Variants in HEATR5A observed in about 807,000 individuals in gnomAD.
HEATR5A encodes the protein HEAT repeat containing 5A.
Under a neutral mutation model 218.8 loss-of-function variants are expected in HEATR5A, and 178 were observed. The ratio of observed to expected loss-of-function variants is 0.81; its 90% CI spans 0.72 to 0.92. The LOEUF (loss-of-function observed/expected upper bound fraction) is 0.92. HEATR5A is among the 40% of genes least tolerant of loss of function. The pLI is 0.00. For synonymous variants in HEATR5A, 864 were observed against 871.6 expected (o/e 0.99, Z 0.15); for missense variants, 2,420 against 2,418.9 (o/e 1.00, Z -0.01).
intron 1 of HEATR5A, among the ~76,000 whole-genome samples, chr14:31,407,093 C>T (rs1165114810): frequency 1.3e-5 from 2 of 151,244 alleles, no homozygotes; most frequent in African/African-American, 4.9e-5. Flanking sequence ...AGTTCAAGAC[C>T]AGCCTGAGCA....
In HEATR5A at chr14:31,293,893, T is replaced by C. The variant is rs777529678; in HGVS notation, c.5831A>G (p.His1944Arg). The C allele has an allele frequency of 1.3e-6, 2 of 1,594,406 alleles. No individual in the cohort carries two copies. The highest frequency in any genetic ancestry group is 1.3e-5 in the African/African-American group (1 of 74,930). Residue 1944 changes from histidine (H) to arginine (R), a missense_variant and splice_region_variant, in exon 35 of 36, where the codon CAT becomes CGT. Coordinates refer to ENST00000543095, the MANE Select transcript of HEATR5A (RefSeq NM_015473.4). ...ATGAATTTAGTGCTGACACTTACGA[T>C]GGTGTTCTTCAGCAACAGTAACCAG... ...ETLVTVAEEH[H>R]RAQLVACLLP...
intron 25 of HEATR5A, chr14:31,320,342 G>A (rs1464731040): frequency 2.4e-6 from 2 of 830,066 alleles, no homozygotes; most frequent in East Asian, 5.0e-5. Context: ...CAGCTTCCTG[G>A]CATAGACAAT....
intron 22 of HEATR5A, among the ~76,000 whole-genome samples, 177 bp downstream of exon 22, chr14:31,337,299 G>A (rs1245880851): frequency 6.6e-6 from 1 of 152,178 alleles, no homozygotes; most frequent in African/African-American, 2.4e-5. Context: ...AAACCAGTTT[G>A]AGAACCACCA....
At chr14:31,309,700 T>C (rs1239483795) in intron 28 of HEATR5A, among the ~76,000 whole-genome samples, 1 of 152,158 alleles carries the variant, frequency 6.6e-6, no homozygotes, top group Admixed American at 6.6e-5. Flanking sequence ...ACATTTTCCC[T>C]GATTTTCTTA....
chr14:31,397,771 G>C (rs1003855548), intron 4 of HEATR5A, among the ~76,000 whole-genome samples: 1 of 151,978 alleles, frequency 6.6e-6, no homozygotes, highest in Non-Finnish European at 1.5e-5. Context: ...TGATCCTCCT[G>C]CCTCAGTCTT....
At position 31,364,275 on chromosome 14, in the gene HEATR5A, T is replaced by A; in HGVS notation, c.1985A>T (p.Tyr662Phe). Residue 662 changes from tyrosine to phenylalanine, a missense_variant, in exon 14 of 36, where the codon TAT (tyrosine) becomes TTT (phenylalanine). By Grantham distance (22) the Tyr-to-Phe change is conservative. Transcript: ENST00000543095. ...TGACGGTGTTTTCAAAGGACTTCCA[T>A]ACATTTTTAGTATTGAAGAAAGCCT... ...LTQLSSILKM[Y>F]GSPLKTPSVV... 1 of 1,540,664 alleles carries A rather than the reference T, an allele frequency of 6.5e-7. No individual in the cohort carries two copies. Among genetic ancestry groups the A allele is most frequent in the Non-Finnish European group, 8.8e-7 (1 of 1,136,998 alleles).
chr14:31,352,744 T>A (rs917817746), intron 16 of HEATR5A, among the ~76,000 whole-genome samples: 1 of 152,062 alleles, frequency 6.6e-6, no homozygotes, highest in African/African-American at 2.4e-5. Flanking sequence ...GATCACCTGA[T>A]GTCAGGAGTT....
At chr14:31,336,213 C>CACATAT (rs758047507) in intron 22 of HEATR5A, among the ~76,000 whole-genome samples, 3 of 90,740 alleles carry the variant, frequency 3.3e-5, no homozygotes, top group South Asian at 8.1e-4. Context: ...TATATACATA[C>CACATAT]ATACATATAT....
In HEATR5A at chr14:31,358,828, AG is replaced by A; in HGVS notation, c.2236-17del. On this transcript the variant is annotated splice_polypyrimidine_tract_variant and intron_variant, in intron 15 of 35. Coordinates refer to ENST00000543095, the MANE Select transcript of HEATR5A (RefSeq NM_015473.4). ...CAAGCAGGAGCTAAAAGGGAAAAAA[AG>A]TATATAAGGTTTTAAAATCACTGAT... The A allele has an allele frequency of 6.2e-7, 1 of 1,612,552 alleles. No homozygotes were observed. Among genetic ancestry groups the A allele is most frequent in the Non-Finnish European group, 8.5e-7 (1 of 1,179,432 alleles).
At chr14:31,328,319 G>A (rs1475989868) in intron 22 of HEATR5A, among the ~76,000 whole-genome samples, 1 of 152,044 alleles carries the variant, frequency 6.6e-6, no homozygotes, top group African/African-American at 2.4e-5. Flanking sequence ...AATATTAGAA[G>A]GAGGTGATAG....
At chr14:31,352,484 G>GGCA in intron 16 of HEATR5A, among the ~76,000 whole-genome samples, 1 of 152,196 alleles carries the variant, frequency 6.6e-6, no homozygotes, top group East Asian at 1.9e-4. Context: ...TCATTCTGCT[G>GGCA]AGGCTACAAG....
intron 22 of HEATR5A, among the ~76,000 whole-genome samples, chr14:31,330,543 C>T (rs1314994511): frequency 6.6e-6 from 1 of 152,068 alleles, no homozygotes; most frequent in Non-Finnish European, 1.5e-5. Context: ...AATCCCAGCA[C>T]TTTGGGAGGC....
In HEATR5A at chr14:31,295,945, A is replaced by G. The variant is rs61742868; in HGVS notation, c.5583T>C (p.Asp1861=). ...TTATCTCAAGAGTAGCTTTAAATTT[A>G]TCAATACAGCGCTTCTGAAGGCATG... ...TIPCLQKRCI[D]KFKATLEIKD... Residue 1861 remains aspartate, a synonymous_variant, in exon 34 of 36, where the codon GAT becomes GAC. Coordinates refer to ENST00000543095, the MANE Select transcript of HEATR5A (RefSeq NM_015473.4). 59 of 1,613,792 alleles carry G rather than the reference A, an allele frequency of 3.7e-5. No individual in the cohort carries two copies. The African/African-American group carries it at 6.9e-4, about 19-fold the overall frequency.
chr14:31,367,607 C>G (rs1322921761), intron 13 of HEATR5A, among the ~76,000 whole-genome samples: 1 of 105,448 alleles, frequency 9.5e-6, no homozygotes, highest in East Asian at 3.0e-4. Context: ...TTAGTACAGA[C>G]GGGGTCTCAC....
chr14:31,420,057 G>C (rs2031593253), intron 1 of HEATR5A: 1 of 152,244 alleles, frequency 6.6e-6, no homozygotes, highest in African/African-American at 2.4e-5. Context: ...GCGGGTCCCG[G>C]GAGCGGCGAG....
At chr14:31,334,582 T>A (rs867129237) in intron 22 of HEATR5A, 1 of 378,600 alleles carries the variant, frequency 2.6e-6, no homozygotes, top group Non-Finnish European at 5.3e-6. Context: ...TCAAAAAGCA[T>A]TGCATGTTAC....
intron 13 of HEATR5A, among the ~76,000 whole-genome samples, chr14:31,367,944 T>C (rs535793234): frequency 3.3e-5 from 5 of 152,272 alleles, no homozygotes; most frequent in African/African-American, 1.2e-4. Flanking sequence ...TATGGATTTT[T>C]TTAGTAACGT....
At chr14:31,367,263 A>G (rs1901837773) in intron 13 of HEATR5A, among the ~76,000 whole-genome samples, 1 of 152,208 alleles carries the variant, frequency 6.6e-6, no homozygotes, top group South Asian at 2.1e-4. Flanking sequence ...TAAGACCTTT[A>G]TTTAGAAAAC....
rs1466545826 is a variant in HEATR5A at position 31,313,013 on chromosome 14, G to C, written c.4396C>G (p.Leu1466Val). 4 of 1,613,894 alleles carry C rather than the reference G, an allele frequency of 2.5e-6. No homozygotes were observed. Among genetic ancestry groups the C allele is most frequent in the Non-Finnish European group, 2.5e-6 (3 of 1,179,884 alleles). The change falls in exon 28 of 36, where the codon CTT becomes GTT. Residue 1466 changes from leucine (L) to valine (V), a missense_variant. Coordinates refer to ENST00000543095, the MANE Select transcript of HEATR5A (RefSeq NM_015473.4). The part of the protein sequence containing the change: ...LWLAALQDFA[L>V]LTLPSEFASQ... ...GCAAATTCTGAAGGCAAAGTTAAAA[G>C]AGCAAAATCCTGAAGTGCAGCAAGC...
Sources: allele counts gnomAD v4.1 joint callset (sites outside exome capture counted in the v4.1 genomes callset), GRCh38; gene constraint gnomAD v4.1.1; transcripts MANE v1.5; gene names NCBI Gene and HGNC (gene_info 2026-07-23, HGNC 2026-07-21).